PLRG1: variants seen among roughly 807,000 people sequenced by gnomAD.
PLRG1 encodes the protein pleiotropic regulator 1 (PRL1 homolog, Arabidopsis).
PLRG1 carries 28 observed loss-of-function variants against 74.9 expected under a neutral mutation model. The observed-to-expected ratio is 0.37, with a 90% CI of 0.28 to 0.51. The LOEUF (loss-of-function observed/expected upper bound fraction) is 0.51, where lower values mean the gene tolerates loss of function less well. Ranked by LOEUF, PLRG1 falls within the 20% of genes least tolerant of loss-of-function variation. The pLI, the probability that PLRG1 is intolerant of heterozygous loss-of-function variation, is 0.91. For synonymous variants in PLRG1, 197 were observed against 212.4 expected (o/e 0.93, Z 0.63); for missense variants, 445 against 631.9 (o/e 0.70, Z 3.17).
chr4:154,543,023 T>C (rs1729582419), intron 7 of PLRG1, among the ~76,000 whole-genome samples: 3 of 152,134 alleles, frequency 2.0e-5, no homozygotes, highest in Non-Finnish European at 2.9e-5. Flanking sequence ...CACAATAGAG[T>C]GACTACAGTT....
chr4:154,547,921 T>G, intron 2 of PLRG1, 68 bp from the exon 3 acceptor site: 1 of 1,225,160 alleles, frequency 8.2e-7, no homozygotes, highest in East Asian at 2.5e-5. Context: ...AGCTTAAGTT[T>G]GCCCATTCAC....
intron 1 of PLRG1, 29 bp downstream of exon 1, chr4:154,550,271 G>A (rs1729739800): frequency 1.2e-6 from 2 of 1,605,816 alleles, no homozygotes; most frequent in Non-Finnish European, 1.7e-6. Flanking sequence ...AGAGACAAAC[G>A]ACTCTTGAGA....
At chr4:154,542,888 G>A (rs1417638745) in intron 7 of PLRG1, among the ~76,000 whole-genome samples, 1 of 152,146 alleles carries the variant, frequency 6.6e-6, no homozygotes, top group Non-Finnish European at 1.5e-5. Context: ...TAGTGGGGAG[G>A]CAGAAGATAA....
chr4:154,541,400 C>T (rs1401498743), intron 8 of PLRG1, among the ~76,000 whole-genome samples: 2 of 152,170 alleles, frequency 1.3e-5, no homozygotes, highest in Non-Finnish European at 2.9e-5. Context: ...TCCTCTCATA[C>T]ACTGCAAGTA....
intron 7 of PLRG1, 50 bp downstream of exon 7, chr4:154,544,395 C>G: frequency 9.6e-7 from 1 of 1,042,316 alleles, no homozygotes; most frequent in South Asian, 1.3e-5. Context: ...TGCTTGTCAA[C>G]TACAAAGCAA....
At chr4:154,547,178 C>G in intron 3 of PLRG1, 114 bp from the exon 4 acceptor site, 1 of 785,730 alleles carries the variant, frequency 1.3e-6, no homozygotes, top group Non-Finnish European at 2.2e-6. Context: ...CAAATTTTCT[C>G]AACTAAAGTC....
At chr4:154,537,760 T>C (rs1258947366) in intron 13 of PLRG1, among the ~76,000 whole-genome samples, 1 of 152,032 alleles carries the variant, frequency 6.6e-6, no homozygotes, top group Non-Finnish European at 1.5e-5. Context: ...ATTCATTAGA[T>C]GGGAACTCAA....
At chr4:154,538,272 A>G (rs1174066040) in intron 12 of PLRG1, among the ~76,000 whole-genome samples, 164 bp from the exon 13 acceptor site, 1 of 152,128 alleles carries the variant, frequency 6.6e-6, no homozygotes, top group Non-Finnish European at 1.5e-5. Context: ...ACATTTGTTC[A>G]AGGTTAAATC....
Position 154,550,330 on chromosome 4 carries a change from T to G in PLRG1, c.-22A>C, listed in dbSNP as rs766676641. On this transcript the variant is annotated 5_prime_UTR_variant, in exon 1 of 15. Coordinates refer to ENST00000499023, the MANE Select transcript of PLRG1 (RefSeq NM_002669.4). ...CCATGATGCTACCGTGTATCCCACC[T>G]CCGGCAGGGAAGAAACTCTAATCAC... 2.5e-6 allele frequency: 4 copies of G among 1,611,842 alleles called. No homozygotes were observed. The South Asian group carries it at 3.3e-5, about 13-fold the overall frequency.
chr4:154,540,192 TA>T, intron 10 of PLRG1, 139 bp from the exon 11 acceptor site: 1 of 611,108 alleles, frequency 1.6e-6, no homozygotes, highest in South Asian at 2.0e-5. Context: ...AAGTGAAAGA[TA>T]ATGATTTACA....
chr4:154,547,204 G>A (rs1037277906), intron 3 of PLRG1, 140 bp from the exon 4 acceptor site: 3 of 711,524 alleles, frequency 4.2e-6, no homozygotes, highest in African/African-American at 3.5e-5. Context: ...TCAGAAATAA[G>A]GGAAGTTGAT....
intron 1 of PLRG1, chr4:154,549,210 G>A (rs1278847955): frequency 2.4e-6 from 1 of 416,284 alleles, no homozygotes; most frequent in Non-Finnish European, 4.6e-6. Context: ...CAGGTATTGT[G>A]CTAGAATCTC....
Position 154,548,938 on chromosome 4 carries a change from A to T in PLRG1, c.10-3T>A, listed in dbSNP as rs200013753. On this transcript the variant is annotated splice_polypyrimidine_tract_variant and splice_region_variant and intron_variant, in intron 1 of 14. Coordinates refer to ENST00000499023, the MANE Select transcript of PLRG1 (RefSeq NM_002669.4). ...TGTACAGAATGTTTCTGTACCTCCT[A>T]AAAAAAAAGAATGTAATTACACACC... 1.5e-6 allele frequency: 2 copies of T among 1,374,688 alleles called. No individual in the cohort carries two copies. The highest frequency in any genetic ancestry group is 1.7e-5 in the Admixed American group (1 of 57,768). 85.2% of individuals were successfully genotyped at this position (1,374,688 alleles called of 1,614,324 possible). A position where few individuals can be genotyped will look rare whatever the true frequency, so the allele number is the denominator to read the frequency against.
chr4:154,548,097 T>C (rs562094188), intron 2 of PLRG1, among the ~76,000 whole-genome samples: 27 of 152,282 alleles, frequency 1.8e-4, no homozygotes, highest in Non-Finnish European at 3.4e-4. Context: ...AAACCTTTTA[T>C]GATAAATTGT....
At chr4:154,538,139 A>C in intron 12 of PLRG1, 31 bp from the exon 13 acceptor site, 1 of 1,223,380 alleles carries the variant, frequency 8.2e-7, no homozygotes, top group Non-Finnish European at 1.1e-6. Flanking sequence ...ATTAACGACA[A>C]AGTAAACCAA....
At chr4:154,542,116 G>C in intron 8 of PLRG1, 71 bp downstream of exon 8, 1 of 966,674 alleles carries the variant, frequency 1.0e-6, no homozygotes, top group Non-Finnish European at 1.7e-6. Flanking sequence ...TCCTGCCACA[G>C]GAAATAATAA....
In PLRG1 at chr4:154,536,447, C is replaced by A; in HGVS notation, c.*238G>T. The A allele has an allele frequency of 2.4e-6, 1 of 415,690 alleles. No homozygotes were observed. Among genetic ancestry groups the A allele is most frequent in the Non-Finnish European group, 4.2e-6 (1 of 236,774 alleles). The allele number at this position is 415,690 out of a possible 1,614,324, so 25.8% of individuals were successfully genotyped here. A position where few individuals can be genotyped will look rare whatever the true frequency, so the allele number is the denominator to read the frequency against. ...AGAATAGTTATGTTCAATAAACCTG[C>A]ATTTACTTGATATCTGCATCTTCCT... is the stretch of plus-strand genomic sequence containing the variant. On this transcript the variant is annotated 3_prime_UTR_variant, in exon 15 of 15. Coordinates refer to ENST00000499023, the MANE Select transcript of PLRG1 (RefSeq NM_002669.4).
intron 14 of PLRG1, 65 bp from the exon 15 acceptor site, chr4:154,536,809 T>C (rs2111098308): frequency 2.4e-6 from 2 of 841,044 alleles, no homozygotes; most frequent in Non-Finnish European, 3.9e-6. Context: ...ATAGGCTTCC[T>C]TTCTAACAAA....
rs574295679 is a variant in PLRG1, at chr4:154,540,982, AC to A, written c.688-49del. On this transcript the variant is annotated intron_variant, in intron 8 of 14. Coordinates refer to ENST00000499023, the MANE Select transcript of PLRG1 (RefSeq NM_002669.4). ...TTTTTCTTTCACTGGTTACTGCAAA[AC>A]AAAATTTTAGAAACCTGATTATTAA... The A allele has an allele frequency of 1.9e-4, 266 of 1,396,176 alleles. 2 individuals are homozygous for A. In the African/African-American group the frequency reaches 3.6e-3, roughly 19 times the overall value. 86.5% of individuals were successfully genotyped at this position (1,396,176 alleles called of 1,614,324 possible).
Sources: gnomAD v4.1 joint callset for allele counts (sites outside exome capture counted in the v4.1 genomes callset) on GRCh38, gnomAD v4.1.1 for gene constraint, MANE v1.5 for transcripts, NCBI Gene and HGNC (gene_info 2026-07-23, HGNC 2026-07-21) for gene names.